The following GRID2 variants were observed in gnomAD, a reference collection of about 807,000 sequenced individuals.
The protein encoded by GRID2 is glutamate ionotropic receptor delta type subunit 2, also known as glutamate receptor ionotropic, delta-2.
In GRID2, 33 loss-of-function variants were observed where a neutral mutation model predicts 114.8. That is an observed-to-expected ratio of 0.29 (90% CI 0.22 to 0.38). The LOEUF is 0.38. Among genes scored for constraint, GRID2 ranks in the 10% least tolerant of loss-of-function variants. The probability of loss-of-function intolerance (pLI) is 1.00; values close to 1 mark genes in which losing one functional copy is unlikely to be tolerated. For missense variants in GRID2, 1,184 were observed against 1,257.7 expected (o/e 0.94, Z 0.89); for synonymous variants, 505 against 449.9 (o/e 1.12, Z -1.55).
intron 9 of GRID2, among the ~76,000 whole-genome samples, chr4:93,397,833 G>A (rs1034546594): frequency 1.3e-5 from 2 of 151,812 alleles, no homozygotes; most frequent in Non-Finnish European, 2.9e-5. Context: ...CTAATACAGT[G>A]TAAATGCTAT....
At chr4:92,400,216 T>A (rs556976518) in intron 1 of GRID2, among the ~76,000 whole-genome samples, 2 of 152,290 alleles carry the variant, frequency 1.3e-5, no homozygotes, top group South Asian at 4.1e-4. Context: ...AACGTTTGTA[T>A]CACTCCAAAA....
rs1254130091 is a variant in GRID2, at chr4:93,112,885, T to C, written c.735+1932T>C. The stretch of plus-strand genomic sequence containing the variant: ...TTTGTGTATCCAAATTTCCTTTTTC[T>C]ATAAGGACATCAGTCGTTTGGATGA... On this transcript the variant is annotated intron_variant, in intron 4 of 15. Transcript: ENST00000282020. 1.3e-4 allele frequency among the ~76,000 whole-genome samples: 20 copies of C among 152,176 alleles called. 1 individual carries two copies. Among genetic ancestry groups the C allele is most frequent in the Non-Finnish European group, 2.9e-5 (2 of 68,030 alleles).
intron 1 of GRID2, among the ~76,000 whole-genome samples, chr4:93,783,995 C>G (rs1366041766): frequency 7.3e-6 from 1 of 136,486 alleles, no homozygotes. Flanking sequence ...TGGCGTGAAC[C>G]CGGGAGGCGG....
At chr4:93,034,876 A>G (rs1446501854) in intron 2 of GRID2, among the ~76,000 whole-genome samples, 2 of 152,162 alleles carry the variant, frequency 1.3e-5, no homozygotes, top group Non-Finnish European at 2.9e-5. Context: ...TCCTCCATGA[A>G]TACATGGCTG....
intron 12 of GRID2, among the ~76,000 whole-genome samples, chr4:93,492,155 G>A (rs558861617): frequency 3.3e-5 from 5 of 151,760 alleles, no homozygotes; most frequent in Non-Finnish European, 7.4e-5. Flanking sequence ...ATATGAAAAT[G>A]ATTACAACAG....
chr4:93,338,678 A>G (rs1016693224), intron 8 of GRID2, among the ~76,000 whole-genome samples: 2 of 152,136 alleles, frequency 1.3e-5, no homozygotes, highest in Non-Finnish European at 2.9e-5. Flanking sequence ...GCTCTATCAC[A>G]CCACTGACTA....
intron 1 of GRID2, among the ~76,000 whole-genome samples, chr4:92,548,401 A>ATTTTTTTTTGTTTTTTTTTTTTTTTTTT (rs1726386207): frequency 1.6e-5 from 1 of 60,808 alleles, no homozygotes; most frequent in African/African-American, 8.5e-5. Context: ...AGACTGTGTA[A>ATTTTTTTTTGTTTTTTTTTTTTTTTTTT]TTTTTTTTTT....
At chr4:93,523,367 CCACT>C (rs1201338467) in intron 13 of GRID2, among the ~76,000 whole-genome samples, 5 of 152,028 alleles carry the variant, frequency 3.3e-5, no homozygotes, top group African/African-American at 1.2e-4. Flanking sequence ...AACTGTATTC[CCACT>C]CACTCTCAAG....
At chr4:92,399,665 CTATA>C (rs70940884) in intron 1 of GRID2, among the ~76,000 whole-genome samples, 6,444 of 133,764 alleles carry the variant, frequency 0.048, 164 homozygotes, top group Middle Eastern at 0.077. Flanking sequence ...CTCTCTCTCT[CTATA>C]TATATATATA....
rs1425881402 is a variant in GRID2, at chr4:93,769,467, T to C, written c.2601+17T>C. On this transcript the variant is annotated intron_variant, in intron 15 of 15. Coordinates refer to ENST00000282020, the MANE Select transcript of GRID2 (RefSeq NM_001510.4). Reference sequence around the variant, plus strand: ...TCAAAAGAGGTACTTGATTGAGAGATTTGGCTCTAAATTGAATCAACAAGC... The same window carrying C: ...TCAAAAGAGGTACTTGATTGAGAGACTTGGCTCTAAATTGAATCAACAAGC... 1 of 1,612,618 alleles carries C rather than the reference T, an allele frequency of 6.2e-7. No individual in the cohort carries two copies. Among genetic ancestry groups the C allele is most frequent in the Non-Finnish European group, 8.5e-7 (1 of 1,179,404 alleles).
At chr4:92,944,540 G>T (rs191888236) in intron 2 of GRID2, among the ~76,000 whole-genome samples, 3 of 152,156 alleles carry the variant, frequency 2.0e-5, no homozygotes, top group South Asian at 4.1e-4. Context: ...GCGATGCCTC[G>T]CCTTGCTTCA....
At chr4:92,616,842 G>A (rs1018052057) in intron 2 of GRID2, among the ~76,000 whole-genome samples, 2 of 151,090 alleles carry the variant, frequency 1.3e-5, no homozygotes, top group Non-Finnish European at 3.0e-5. Context: ...TTTGATTGCT[G>A]TTTTTTTCTA....
At chr4:93,682,118 A>C (rs1279934408) in intron 14 of GRID2, among the ~76,000 whole-genome samples, 1 of 151,850 alleles carries the variant, frequency 6.6e-6, no homozygotes, top group Non-Finnish European at 1.5e-5. Context: ...CAAGTGGGCA[A>C]AGGATATGAA....
At position 92,898,233 on chromosome 4, in the gene GRID2, G is replaced by A. The variant is rs181243928; in HGVS notation, c.245-186762G>A. Among the ~76,000 whole-genome samples, 639 of 152,020 alleles carry A rather than the reference G, an allele frequency of 4.2e-3. 7 individuals are homozygous for A. The highest frequency in any genetic ancestry group is 0.014 in the African/African-American group (601 of 41,466). Reference sequence around the variant, plus strand: ...GACGCATATCCATCCTTTCTTCCCCGTACCCAGCAAAATGAGAACATAAAC... The same window carrying A: ...GACGCATATCCATCCTTTCTTCCCCATACCCAGCAAAATGAGAACATAAAC... On this transcript the variant is annotated intron_variant, in intron 2 of 15. Transcript: ENST00000282020.
intron 11 of GRID2, among the ~76,000 whole-genome samples, chr4:93,471,374 C>T (rs1286468549): frequency 6.6e-6 from 1 of 152,092 alleles, no homozygotes; most frequent in Non-Finnish European, 1.5e-5. Flanking sequence ...TTCCGTAACT[C>T]CCCTTCTAGT....
intron 14 of GRID2, among the ~76,000 whole-genome samples, chr4:93,728,568 C>G (rs565884100): frequency 3.3e-5 from 5 of 152,214 alleles, no homozygotes; most frequent in African/African-American, 9.6e-5. Flanking sequence ...GTTTTTCTGT[C>G]TAATGTTGAC....
rs939204933 is a variant in GRID2 at position 93,054,904 on chromosome 4, A to G, written c.245-30091A>G. Among the ~76,000 whole-genome samples the G allele has an allele frequency of 2.0e-5, 3 of 151,894 alleles. No homozygotes were observed. In the Admixed American group the frequency reaches 2.0e-4, roughly 10 times the overall value. On this transcript the variant is annotated intron_variant, in intron 2 of 15. Coordinates refer to ENST00000282020, the MANE Select transcript of GRID2 (RefSeq NM_001510.4). ...ATTTAATCTTACAACTAGATATTTT[A>G]AAAATAGATAAAACAATGCCTTATT... is the stretch of plus-strand genomic sequence containing the variant.
intron 2 of GRID2, among the ~76,000 whole-genome samples, chr4:92,694,680 T>C (rs1734343447): frequency 6.6e-6 from 1 of 152,194 alleles, no homozygotes; most frequent in African/African-American, 2.4e-5. Flanking sequence ...AAGCACAAGT[T>C]GACATCTTGC....
intron 2 of GRID2, among the ~76,000 whole-genome samples, chr4:92,982,914 C>G (rs780970255): frequency 8.6e-5 from 13 of 151,980 alleles, no homozygotes; most frequent in African/African-American, 3.1e-4. Flanking sequence ...ATAAATTATA[C>G]TATATATCCT....
Sources: gnomAD v4.1 joint callset for allele counts (sites outside exome capture counted in the v4.1 genomes callset) on GRCh38, gnomAD v4.1.1 for gene constraint, MANE v1.5 for transcripts, NCBI Gene and HGNC (gene_info 2026-07-23, HGNC 2026-07-21) for gene names.